CLIC5: variants seen among roughly 807,000 people sequenced by gnomAD.
CLIC5 encodes the protein CLIC family member 5.
CLIC5 carries 20 observed loss-of-function variants against 24.7 expected under a neutral mutation model. That is an observed-to-expected ratio of 0.81 (90% CI 0.57 to 1.18). The LOEUF (loss-of-function observed/expected upper bound fraction) is 1.18, where lower values mean the gene tolerates loss of function less well. Ranked by LOEUF, CLIC5 falls within the 50% of genes most tolerant of loss-of-function variation. The pLI is 0.00. For synonymous variants in CLIC5, 159 were observed against 135.6 expected (o/e 1.17, Z -1.20); for missense variants, 341 against 326.1 (o/e 1.05, Z -0.35).
chr6:45,909,074 A>G (rs1249239484), intron 5 of CLIC5, among the ~76,000 whole-genome samples: 2 of 143,114 alleles, frequency 1.4e-5, no homozygotes, highest in East Asian at 2.0e-4. Flanking sequence ...GGTTTGTGGT[A>G]TGTTTTACCT....
chr6:45,912,736 G>T (rs1352141458), intron 5 of CLIC5: 2 of 1,532,024 alleles, frequency 1.3e-6, no homozygotes, highest in South Asian at 1.2e-5. Context: ...AGTGGTACTT[G>T]TTCCTAAGGA....
chr6:46,122,243 G>A, the CLIC5 span, among the ~76,000 whole-genome samples: 1 of 152,222 alleles, frequency 6.6e-6, no homozygotes, highest in African/African-American at 2.4e-5. Flanking sequence ...TCAGGCCACA[G>A]TGTAATCAAA....
At chr6:46,028,902 T>C (rs546114877) in intron 1 of CLIC5, among the ~76,000 whole-genome samples, 79 of 152,346 alleles carry the variant, frequency 5.2e-4, no homozygotes, top group Non-Finnish European at 7.9e-4. Flanking sequence ...ATAACATGTG[T>C]CTATCATTAT....
the CLIC5 span, among the ~76,000 whole-genome samples, chr6:46,107,865 G>T: frequency 6.6e-6 from 1 of 151,984 alleles, no homozygotes; most frequent in Non-Finnish European, 1.5e-5. Context: ...GCAAAACCCT[G>T]TCTCTACTAA....
At chr6:46,072,902 T>A (rs1762652334) in intron 1 of CLIC5, among the ~76,000 whole-genome samples, 1 of 152,122 alleles carries the variant, frequency 6.6e-6, no homozygotes, top group African/African-American at 2.4e-5. Flanking sequence ...TTGCATAGGG[T>A]TCTAGAATGT....
At chr6:45,946,767 C>A (rs1377705372) in intron 3 of CLIC5, among the ~76,000 whole-genome samples, 2 of 152,184 alleles carry the variant, frequency 1.3e-5, no homozygotes, top group South Asian at 2.1e-4. Flanking sequence ...GTGGCACCTG[C>A]CTCAGTCTGA....
chr6:45,920,506 G>T, intron 4 of CLIC5: 3 of 301,012 alleles, frequency 1.0e-5, no homozygotes, highest in Non-Finnish European at 1.5e-5. Flanking sequence ...GAAAGACCAT[G>T]GCAGACGGAG....
intron 1 of CLIC5, among the ~76,000 whole-genome samples, chr6:46,046,151 T>C (rs749796221): frequency 6.6e-6 from 1 of 152,204 alleles, no homozygotes; most frequent in African/African-American, 2.4e-5. Context: ...ATTCCAGAGA[T>C]GAAACTTGCC....
At chr6:46,098,412 C>T in the CLIC5 span, among the ~76,000 whole-genome samples, 1 of 152,078 alleles carries the variant, frequency 6.6e-6, no homozygotes, top group African/African-American at 2.4e-5. Flanking sequence ...AAAATGCTAC[C>T]AGTTTCCCAA....
intron 4 of CLIC5, chr6:45,920,513 G>T: frequency 3.4e-6 from 1 of 294,068 alleles, no homozygotes; most frequent in Non-Finnish European, 5.0e-6. Flanking sequence ...CATGGCAGAC[G>T]GAGATGTCTC....
chr6:46,032,435 A>G (rs1424295161), intron 1 of CLIC5, among the ~76,000 whole-genome samples: 1 of 152,202 alleles, frequency 6.6e-6, no homozygotes, highest in African/African-American at 2.4e-5. Flanking sequence ...GGGAGGGAGA[A>G]CTTTTCAGCT....
At chr6:45,968,256 C>T (rs909198006) in intron 1 of CLIC5, among the ~76,000 whole-genome samples, 1 of 152,192 alleles carries the variant, frequency 6.6e-6, no homozygotes, top group Non-Finnish European at 1.5e-5. Flanking sequence ...TCTCTCAATG[C>T]CAACTCTGAA....
At chr6:46,010,873 A>C (rs1180543871) in intron 1 of CLIC5, among the ~76,000 whole-genome samples, 2 of 152,226 alleles carry the variant, frequency 1.3e-5, no homozygotes. Context: ...CAGTAGCTTA[A>C]TATGATGAAG....
intron 1 of CLIC5, among the ~76,000 whole-genome samples, chr6:46,060,156 G>A (rs1562029997): frequency 1.3e-5 from 2 of 152,188 alleles, no homozygotes; most frequent in African/African-American, 4.8e-5. Flanking sequence ...AGGAGGCATA[G>A]TCAGTCTCTT....
chr6:45,888,915 A>G (rs543258181), intron 6 of CLIC5, among the ~76,000 whole-genome samples: 5 of 152,366 alleles, frequency 3.3e-5, no homozygotes, highest in East Asian at 1.9e-4. Flanking sequence ...AGGTATGTAC[A>G]TATTTATTCA....
intron 6 of CLIC5, among the ~76,000 whole-genome samples, chr6:45,884,079 T>A (rs923914335): frequency 6.6e-6 from 1 of 152,112 alleles, no homozygotes; most frequent in Admixed American, 6.5e-5. Flanking sequence ...AATGAGAGGG[T>A]CTGGGACTGG....
the CLIC5 span, among the ~76,000 whole-genome samples, chr6:46,110,746 C>A: frequency 6.6e-6 from 1 of 152,190 alleles, no homozygotes; most frequent in Non-Finnish European, 1.5e-5. Flanking sequence ...ATTACAAGCA[C>A]AGTCTGTTGG....
At chr6:45,968,695 CG>C (rs1373270873) in intron 1 of CLIC5, among the ~76,000 whole-genome samples, 4 of 152,224 alleles carry the variant, frequency 2.6e-5, no homozygotes, top group African/African-American at 9.6e-5. Context: ...TAATTGGAGG[CG>C]GGTGACTATA....
intron 1 of CLIC5, among the ~76,000 whole-genome samples, chr6:45,958,422 TTATA>T (rs35922936): frequency 0.033 from 270 of 8,174 alleles, 1 homozygote; most frequent in Admixed American, 0.045. Context: ...AAAAAGACAA[TTATA>T]TATATATATA....
Sources: gnomAD v4.1 joint callset for allele counts (sites outside exome capture counted in the v4.1 genomes callset) on GRCh38, gnomAD v4.1.1 for gene constraint, MANE v1.5 for transcripts, NCBI Gene and HGNC (gene_info 2026-07-23, HGNC 2026-07-21) for gene names.